NME7: variants seen among roughly 807,000 people sequenced by gnomAD.
NME7 encodes the protein NME/NM23 family member 7.
In NME7, 41 loss-of-function variants were observed where a neutral mutation model predicts 49.1. The ratio of observed to expected loss-of-function variants is 0.83; its 90% CI spans 0.65 to 1.08. The LOEUF is 1.08. Ranked by LOEUF, NME7 falls within the 50% of genes least tolerant of loss-of-function variation. The pLI is 0.00. For missense variants in NME7, 423 were observed against 463.4 expected, an observed-to-expected ratio of 0.91 and a Z score of 0.80; for synonymous variants, 139 against 150.6, an observed-to-expected ratio of 0.92 and a Z score of 0.56.
At chr1:169,192,289 A>T (rs1199854255) in intron 10 of NME7, among the ~76,000 whole-genome samples, 1 of 152,160 alleles carries the variant, frequency 6.6e-6, no homozygotes, top group African/African-American at 2.4e-5. Flanking sequence ...GGCCCTCTGT[A>T]TCCGCAGATT....
rs34054662 is a variant in NME7, at chr1:169,309,958, T to TAA, written c.389+10_389+11dup. On this transcript the variant is annotated intron_variant, in intron 4 of 11. Coordinates refer to ENST00000367811, the MANE Select transcript of NME7 (RefSeq NM_013330.5). ...TCAGACATTACATAACTGAAAATGA[T>TAA]AAAAAAATTACCTTGAAAGCATCAT... The TAA allele has an allele frequency of 2.4e-5, 33 of 1,401,330 alleles. No homozygotes were observed. The East Asian group carries it at 3.7e-4, about 16-fold the overall frequency. The allele number at this position is 1,401,330 out of a possible 1,614,324, so 86.8% of individuals were successfully genotyped here.
intron 11 of NME7, among the ~76,000 whole-genome samples, chr1:169,153,003 C>A (rs563860341): frequency 3.3e-5 from 5 of 151,860 alleles, no homozygotes; most frequent in East Asian, 3.9e-4. Flanking sequence ...ATCAATAAAT[C>A]AAAAACTGGC....
intron 1 of NME7, among the ~76,000 whole-genome samples, chr1:169,352,291 T>A (rs1458818059): frequency 6.6e-6 from 1 of 152,110 alleles, no homozygotes; most frequent in Non-Finnish European, 1.5e-5. Context: ...AATCAATCAA[T>A]GTGATACATC....
intron 11 of NME7, among the ~76,000 whole-genome samples, chr1:169,154,975 A>T (rs79274436): frequency 0.011 from 1,661 of 151,942 alleles, 41 homozygotes; most frequent in African/African-American, 0.038. Flanking sequence ...ATAATTTAAA[A>T]AAATTTTTTT....
chr1:169,329,651 C>CA (rs1652186079), intron 1 of NME7, among the ~76,000 whole-genome samples: 2 of 150,158 alleles, frequency 1.3e-5, no homozygotes, highest in Non-Finnish European at 1.5e-5. Flanking sequence ...ACAGAGGAGA[C>CA]AAAAAAAGAA....
chr1:169,182,776 T>A (rs1659964395), intron 10 of NME7, among the ~76,000 whole-genome samples: 1 of 152,194 alleles, frequency 6.6e-6, no homozygotes, highest in East Asian at 1.9e-4. Context: ...GATAAGTGAA[T>A]GGATGAATGG....
rs1348201519 is a variant in NME7, at chr1:169,205,330, C to T, written c.990+25388G>A. On this transcript the variant is annotated intron_variant, in intron 10 of 11. Transcript: ENST00000367811. ...CCAGATCTAAAGGCAACATCTGGTGCTTCCTTTCCTCAATTACTCTCCTAA... is the reference window on the plus strand; with the variant it reads ...CCAGATCTAAAGGCAACATCTGGTGTTTCCTTTCCTCAATTACTCTCCTAA... Among the ~76,000 whole-genome samples, 9 of 152,172 alleles carry T rather than the reference C, an allele frequency of 5.9e-5. No individual in the cohort carries two copies. In the East Asian group the frequency reaches 1.7e-3, roughly 29 times the overall value.
At chr1:169,241,061 G>A (rs780360974) in intron 7 of NME7, among the ~76,000 whole-genome samples, 1 of 152,104 alleles carries the variant, frequency 6.6e-6, no homozygotes, top group African/African-American at 2.4e-5. Flanking sequence ...TAATTGAGCT[G>A]ACAGTGCAAA....
intron 10 of NME7, among the ~76,000 whole-genome samples, chr1:169,228,303 C>T (rs1571307755): frequency 6.6e-6 from 1 of 152,028 alleles, no homozygotes; most frequent in African/African-American, 2.4e-5. Flanking sequence ...TATTTCTTTC[C>T]TTTTTTGTTT....
chr1:169,251,547 CTTTTTT>C (rs36096137), intron 7 of NME7, among the ~76,000 whole-genome samples: 1 of 123,988 alleles, frequency 8.1e-6, no homozygotes, highest in Non-Finnish European at 1.7e-5. Context: ...ACTCTGGTTT[CTTTTTT>C]TTTTTTTCTT....
chr1:169,337,433 C>T (rs1652525493), intron 1 of NME7, among the ~76,000 whole-genome samples: 1 of 152,206 alleles, frequency 6.6e-6, no homozygotes, highest in South Asian at 2.1e-4. Context: ...GCGCCGCACA[C>T]AGCCCTGGTT....
intron 4 of NME7, among the ~76,000 whole-genome samples, chr1:169,309,600 C>T (rs1035280331): frequency 6.6e-6 from 1 of 152,120 alleles, no homozygotes; most frequent in East Asian, 1.9e-4. Flanking sequence ...CTTTTCATGT[C>T]CTTTATTAGA....
At chr1:169,281,428 T>C (rs902734361) in intron 7 of NME7, among the ~76,000 whole-genome samples, 1 of 152,194 alleles carries the variant, frequency 6.6e-6, no homozygotes, top group African/African-American at 2.4e-5. Flanking sequence ...TCTCTTCCTA[T>C]CTGAATACCC....
chr1:169,273,926 G>A (rs1185616456), intron 7 of NME7, among the ~76,000 whole-genome samples: 1 of 130,492 alleles, frequency 7.7e-6, no homozygotes, highest in Non-Finnish European at 1.8e-5. Context: ...AAACATACGT[G>A]TGCATGTGTC....
At chr1:169,231,438 C>A (rs929598741) in intron 9 of NME7, among the ~76,000 whole-genome samples, 2 of 152,110 alleles carry the variant, frequency 1.3e-5, no homozygotes, top group Non-Finnish European at 2.9e-5. Flanking sequence ...CCAACGTTCT[C>A]TGAGTTGAAA....
intron 1 of NME7, among the ~76,000 whole-genome samples, chr1:169,337,624 A>G (rs1350959411): frequency 6.6e-6 from 1 of 152,248 alleles, no homozygotes; most frequent in Non-Finnish European, 1.5e-5. Context: ...GAGGACTGCC[A>G]GCATGCTGTC....
chr1:169,271,520 T>C (rs558167406), intron 7 of NME7, among the ~76,000 whole-genome samples: 1 of 133,546 alleles, frequency 7.5e-6, no homozygotes, highest in Admixed American at 7.4e-5. Flanking sequence ...GACGACTGCA[T>C]TGAAAGCTCT....
intron 7 of NME7, among the ~76,000 whole-genome samples, chr1:169,274,877 G>C (rs571896907): frequency 7.5e-6 from 1 of 133,700 alleles, no homozygotes; most frequent in African/African-American, 2.5e-5. Flanking sequence ...TAGCCTTGTA[G>C]TATAGTTTGA....
chr1:169,334,602 TA>T, intron 1 of NME7, among the ~76,000 whole-genome samples: 1 of 151,986 alleles, frequency 6.6e-6, no homozygotes, highest in Middle Eastern at 3.4e-3. Flanking sequence ...CCCAAAACCA[TA>T]AAAACCCTGG....
Sources: allele counts gnomAD v4.1 joint callset (sites outside exome capture counted in the v4.1 genomes callset), GRCh38; gene constraint gnomAD v4.1.1; transcripts MANE v1.5; gene names NCBI Gene and HGNC (gene_info 2026-07-23, HGNC 2026-07-21).